SLCO5A1: variants seen among roughly 807,000 people sequenced by gnomAD.
SLCO5A1 encodes the protein organic anion transporter polypeptide-related protein 4.
A neutral mutation model predicts 65.1 loss-of-function variants in SLCO5A1; 39 were observed. That is an observed-to-expected ratio of 0.60 (90% CI 0.46 to 0.78). The LOEUF is 0.78. Among genes scored for constraint, SLCO5A1 ranks in the 30% least tolerant of loss-of-function variants. SLCO5A1 has a pLI of 0.00. For synonymous variants in SLCO5A1, 438 were observed against 415.7 expected, an observed-to-expected ratio of 1.05 and a Z score of -0.65; for missense variants, 1,029 against 1,069.4, an observed-to-expected ratio of 0.96 and a Z score of 0.53.
intron 5 of SLCO5A1, among the ~76,000 whole-genome samples, chr8:69,729,007 C>T (rs1816216621): frequency 6.6e-6 from 1 of 152,012 alleles, no homozygotes; most frequent in Non-Finnish European, 1.5e-5. Flanking sequence ...ATCCGAGGTC[C>T]AGGGCAGGAA....
At chr8:69,781,029 T>C (rs1255528626) in intron 2 of SLCO5A1, among the ~76,000 whole-genome samples, 1 of 152,220 alleles carries the variant, frequency 6.6e-6, no homozygotes, top group African/African-American at 2.4e-5. Context: ...ATCTGGAAAA[T>C]ACATGCCAAA....
rs181075374 is a variant in SLCO5A1, at chr8:69,698,498, C to T, written c.1622+6533G>A. On this transcript the variant is annotated intron_variant, in intron 6 of 9. Transcript: ENST00000260126. ...GCAGTGTATAAGCATTTCCTCTTCT[C>T]CACAACCTTGACAGCATCTGTTATT... 4.0e-3 allele frequency among the ~76,000 whole-genome samples: 603 copies of T among 152,316 alleles called. 2 individuals carry two copies. The highest frequency in any genetic ancestry group is 7.0e-3 in the Admixed American group (107 of 15,308).
chr8:69,826,804 C>A (rs1251394923), intron 2 of SLCO5A1, among the ~76,000 whole-genome samples: 1 of 152,064 alleles, frequency 6.6e-6, no homozygotes, highest in Admixed American at 6.6e-5. Flanking sequence ...TGGGTATATA[C>A]CCAAAGGACT....
At chr8:69,794,607 C>T in intron 2 of SLCO5A1, 1 of 325,052 alleles carries the variant, frequency 3.1e-6, no homozygotes, top group Non-Finnish European at 6.3e-6. Context: ...AAATTGTATA[C>T]AGTTTTTGCT....
At chr8:69,696,373 G>T (rs1421098396) in intron 6 of SLCO5A1, among the ~76,000 whole-genome samples, 1 of 152,188 alleles carries the variant, frequency 6.6e-6, no homozygotes, top group Non-Finnish European at 1.5e-5. Flanking sequence ...CTGCCCGATC[G>T]AATCTCCATG....
chr8:69,727,849 A>G (rs1393184825), intron 5 of SLCO5A1, among the ~76,000 whole-genome samples: 1 of 152,226 alleles, frequency 6.6e-6, no homozygotes, highest in Non-Finnish European at 1.5e-5. Context: ...TTATGTGACA[A>G]AAATATTCAC....
At chr8:69,771,353 A>AT (rs1818313298) in intron 2 of SLCO5A1, among the ~76,000 whole-genome samples, 1 of 152,186 alleles carries the variant, frequency 6.6e-6, no homozygotes, top group Admixed American at 6.5e-5. Context: ...TTTAAAAATT[A>AT]ACTTTCATGT....
intron 6 of SLCO5A1, among the ~76,000 whole-genome samples, chr8:69,685,002 C>G (rs371879931): frequency 6.6e-6 from 1 of 152,174 alleles, no homozygotes; most frequent in South Asian, 2.1e-4. Flanking sequence ...GAGCACAGAC[C>G]CAGGTCACCC....
At chr8:69,760,240 C>T (rs1054145257) in intron 3 of SLCO5A1, among the ~76,000 whole-genome samples, 3 of 152,170 alleles carry the variant, frequency 2.0e-5, no homozygotes, top group Non-Finnish European at 4.4e-5. Context: ...AGAAAACAGA[C>T]AAGACCAAAA....
chr8:69,792,122 T>G (rs1052051181), intron 2 of SLCO5A1, among the ~76,000 whole-genome samples: 1 of 152,190 alleles, frequency 6.6e-6, no homozygotes, highest in Non-Finnish European at 1.5e-5. Flanking sequence ...AATACTATAA[T>G]TTAGTTGGAG....
chr8:69,773,977 T>C (rs1818453127), intron 2 of SLCO5A1, among the ~76,000 whole-genome samples: 1 of 152,224 alleles, frequency 6.6e-6, no homozygotes, highest in Non-Finnish European at 1.5e-5. Context: ...CAGTTTTCAT[T>C]AAGGTGCATA....
intron 2 of SLCO5A1, among the ~76,000 whole-genome samples, chr8:69,822,856 G>A (rs374121646): frequency 5.3e-5 from 8 of 152,120 alleles, no homozygotes; most frequent in Admixed American, 1.3e-4. Context: ...CCTCTTTTCC[G>A]GTGCTCTTTC....
At chr8:69,749,137 T>G (rs982342402) in intron 4 of SLCO5A1, among the ~76,000 whole-genome samples, 16 of 152,188 alleles carry the variant, frequency 1.1e-4, no homozygotes, top group Admixed American at 3.9e-4. Context: ...CATACTATAC[T>G]TGTTCCAAAA....
rs1282342230 is a variant in SLCO5A1 at position 69,809,423 on chromosome 8, A to G, written c.907+22344T>C. ...ATATTTCTTTTTTAACTTAAATACA[A>G]TTGCCAATGAAATGTGCAAATGTTT... On this transcript the variant is annotated intron_variant, in intron 2 of 9. Transcript: ENST00000260126. Among the ~76,000 whole-genome samples the G allele has an allele frequency of 1.1e-4, 17 of 152,200 alleles. 1 individual carries two copies. Among genetic ancestry groups the G allele is most frequent in the Admixed American group, 9.8e-4 (15 of 15,274 alleles).
intron 5 of SLCO5A1, among the ~76,000 whole-genome samples, chr8:69,725,629 G>T (rs965133953): frequency 6.6e-6 from 1 of 152,142 alleles, no homozygotes; most frequent in African/African-American, 2.4e-5. Context: ...GGGGGATGGT[G>T]GGATGTTTGT....
At chr8:69,765,438 A>G (rs890398820) in intron 2 of SLCO5A1, among the ~76,000 whole-genome samples, 17 of 152,122 alleles carry the variant, frequency 1.1e-4, no homozygotes, top group Admixed American at 5.9e-4. Flanking sequence ...ATATACATAT[A>G]TAATTCTTGA....
At chr8:69,743,013 G>A (rs951490363) in intron 4 of SLCO5A1, among the ~76,000 whole-genome samples, 1 of 152,006 alleles carries the variant, frequency 6.6e-6, no homozygotes, top group Non-Finnish European at 1.5e-5. Flanking sequence ...TGTTAGCCAG[G>A]ATGGTCTCGA....
chr8:69,779,287 A>C (rs1818704679), intron 2 of SLCO5A1, among the ~76,000 whole-genome samples: 1 of 152,184 alleles, frequency 6.6e-6, no homozygotes, highest in African/African-American at 2.4e-5. Flanking sequence ...AGTATGGGTA[A>C]ATTTTTATTT....
intron 2 of SLCO5A1, among the ~76,000 whole-genome samples, chr8:69,762,494 T>C (rs1003473938): frequency 1.3e-5 from 2 of 151,966 alleles, no homozygotes; most frequent in African/African-American, 2.4e-5. Flanking sequence ...CCCTGTTTTT[T>C]AATATAAGTG....
Sources: gnomAD v4.1 joint callset for allele counts (sites outside exome capture counted in the v4.1 genomes callset) on GRCh38, gnomAD v4.1.1 for gene constraint, MANE v1.5 for transcripts, NCBI Gene and HGNC (gene_info 2026-07-23, HGNC 2026-07-21) for gene names.